Variants in LSG1 observed in about 807,000 individuals in gnomAD.
The protein encoded by LSG1 is large 60S subunit nuclear export GTPase 1, also known as large subunit GTPase 1 homolog.
Under a neutral mutation model 82.6 loss-of-function variants are expected in LSG1, and 55 were observed. The observed-to-expected ratio is 0.67, with a 90% CI of 0.54 to 0.83. The LOEUF (loss-of-function observed/expected upper bound fraction) is 0.83. Among genes scored for constraint, LSG1 ranks in the 40% least tolerant of loss-of-function variants. LSG1 has a pLI of 0.00. For synonymous variants in LSG1, 272 were observed against 282.5 expected, an observed-to-expected ratio of 0.96 and a Z score of 0.37; for missense variants, 809 against 807.9, an observed-to-expected ratio of 1.00 and a Z score of -0.02.
intron 1 of LSG1, 62 bp downstream of exon 1, chr3:194,672,002 C>A (rs1006318560): frequency 5.3e-6 from 8 of 1,500,364 alleles, no homozygotes; most frequent in African/African-American, 4.1e-5. Flanking sequence ...ACTTTTGACC[C>A]CGAATTTTGC....
At position 194,660,065 on chromosome 3, in the gene LSG1, T is replaced by A. The variant is rs900871690; in HGVS notation, c.582+8A>T. 1.2e-6 allele frequency: 2 copies of A among 1,613,022 alleles called. No homozygotes were observed. Among genetic ancestry groups the A allele is most frequent in the Non-Finnish European group, 1.7e-6 (2 of 1,179,038 alleles). Reference sequence around the variant, plus strand: ...ACTGATGTTTGAATTTTGTCAAACTTGACTTACCAAATCCTCACATCTAAA... The same window carrying A: ...ACTGATGTTTGAATTTTGTCAAACTAGACTTACCAAATCCTCACATCTAAA... On this transcript the variant is annotated splice_region_variant and intron_variant, in intron 6 of 13. Transcript: ENST00000265245.
In LSG1 at chr3:194,652,949, C is replaced by T; in HGVS notation, c.953G>A (p.Trp318Ter). Residue 318 changes from tryptophan to a stop codon, truncating the protein, a stop_gained, in exon 8 of 14, where the codon TGG (tryptophan) becomes TAG (stop). Coordinates refer to ENST00000265245, the MANE Select transcript of LSG1 (RefSeq NM_018385.3). LOFTEE classifies it high-confidence loss of function. ...ACCGTCTTCTTCTGAGCACGTCTGC[C>T]AGTCGTCTTCCTCCTCCTCTGGACA... The part of the protein sequence containing the change: ...EDCPEEEEDD[W>*]QTCSEEDGPK... 6.2e-7 allele frequency: 1 copy of T among 1,614,164 alleles called. No individual in the cohort carries two copies. The highest frequency in any genetic ancestry group is 8.5e-7 in the Non-Finnish European group (1 of 1,180,030).
chr3:194,651,042 G>A lies in LSG1; in HGVS notation c.1276-18C>T, dbSNP rs371397414. Reference sequence around the variant, plus strand: ...TAGAGAGTCTGGAAGACAAGCAAGAGGTTTGAGCTGGGTATACAACAGATA... The same window carrying A: ...TAGAGAGTCTGGAAGACAAGCAAGAAGTTTGAGCTGGGTATACAACAGATA... On this transcript the variant is annotated intron_variant, in intron 9 of 13. Coordinates refer to ENST00000265245, the MANE Select transcript of LSG1 (RefSeq NM_018385.3). The A allele has an allele frequency of 1.2e-6, 2 of 1,613,936 alleles. No homozygotes were observed. Among genetic ancestry groups the A allele is most frequent in the Non-Finnish European group, 1.7e-6 (2 of 1,179,896 alleles).
intron 7 of LSG1, among the ~76,000 whole-genome samples, chr3:194,654,650 A>G (rs929679630): frequency 2.0e-5 from 3 of 152,210 alleles, no homozygotes; most frequent in African/African-American, 7.2e-5. Flanking sequence ...ATTTTCAAAT[A>G]TGAAAGTAGC....
chr3:194,657,095 A>G (rs946199423), intron 7 of LSG1, among the ~76,000 whole-genome samples: 8 of 152,054 alleles, frequency 5.3e-5, no homozygotes, highest in African/African-American at 1.5e-4. Flanking sequence ...ACATGTATAT[A>G]TACGTAACAA....
chr3:194,657,360 A>G (rs1425940658), intron 7 of LSG1, among the ~76,000 whole-genome samples: 1 of 152,072 alleles, frequency 6.6e-6, no homozygotes, highest in Non-Finnish European at 1.5e-5. Flanking sequence ...TTGGTACTAA[A>G]CCATTAACAT....
At position 194,644,735 on chromosome 3, in the gene LSG1, CA is replaced by C. The variant is rs768381725; in HGVS notation, c.1634del (p.Leu545ArgfsTer12). The C allele has an allele frequency of 2.1e-5, 33 of 1,604,542 alleles. No homozygotes were observed. The highest frequency in any genetic ancestry group is 2.8e-5 in the Non-Finnish European group (33 of 1,174,770). On this transcript the variant is annotated frameshift_variant, in exon 13 of 14. Transcript: ENST00000265245. LOFTEE classifies it high-confidence loss of function. ...ILKDYVSGKL[L>X]YCHPPPGRDP... ...CTCTTCCAGGAGGAGGATGGCAGTA[CA>C]GCAGCTTACCCTACAAAGACAACAT...
chr3:194,664,213 A>C (rs555637139), intron 5 of LSG1, among the ~76,000 whole-genome samples: 2 of 152,158 alleles, frequency 1.3e-5, no homozygotes, highest in Non-Finnish European at 2.9e-5. Context: ...TGGACCTCCT[A>C]AAGTGCTGGG....
At position 194,645,561 on chromosome 3, in the gene LSG1, CACACACACAG is replaced by C. The variant is rs1256226544; in HGVS notation, c.1623+593_1623+602del. Among the ~76,000 whole-genome samples, 51 of 61,474 alleles carry C rather than the reference CACACACACAG, an allele frequency of 8.3e-4. 9 individuals are homozygous for C. Among genetic ancestry groups the C allele is most frequent in the Middle Eastern group, 9.4e-3 (1 of 106 alleles). 40.3% of individuals were successfully genotyped at this position (61,474 alleles called of 152,430 possible). On this transcript the variant is annotated intron_variant, in intron 12 of 13. Coordinates refer to ENST00000265245, the MANE Select transcript of LSG1 (RefSeq NM_018385.3). ...ACACACACACACACACACACACACA[CACACACACAG>C]ACAGACACACACACACACACACACA...
rs112320696 is a variant in LSG1, at chr3:194,648,881, T to C, written c.1420-77A>G. ...CATACAAATCGTGCCTCAAAGAACA[T>C]GGCACTTCATTCCGCGTGTGACAAA... On this transcript the variant is annotated intron_variant, in intron 10 of 13. Coordinates refer to ENST00000265245, the MANE Select transcript of LSG1 (RefSeq NM_018385.3). 3.0e-4 allele frequency: 439 copies of C among 1,461,922 alleles called. No homozygotes were observed. The African/African-American group carries it at 5.4e-3, about 18-fold the overall frequency. The allele number at this position is 1,461,922 out of a possible 1,614,324, so 90.6% of individuals were successfully genotyped here.
At chr3:194,658,672 T>C (rs377023795) in intron 7 of LSG1, among the ~76,000 whole-genome samples, 91 of 152,272 alleles carry the variant, frequency 6.0e-4, no homozygotes, top group Non-Finnish European at 1.1e-3. Flanking sequence ...TACAGGGTCA[T>C]TGTGGAACTT....
rs1213026961 is a variant in LSG1 at position 194,666,533 on chromosome 3, G to C, written c.266C>G (p.Thr89Ser). Residue 89 changes from threonine to serine, a missense_variant, in exon 3 of 14, where the codon ACT (threonine) becomes AGT (serine). Physicochemically the swap from Thr to Ser is moderately conservative, Grantham distance 58 (BLOSUM62 1). Coordinates refer to ENST00000265245, the MANE Select transcript of LSG1 (RefSeq NM_018385.3). ...NIKFVPAEAR[T>S]GLLSFEESQR... ...GCTCTCCTCGAAAGACAGTAGTCCAGTTCTAGCCTCAGCAGGCACAAACTT... is the reference window on the plus strand; with the variant it reads ...GCTCTCCTCGAAAGACAGTAGTCCACTTCTAGCCTCAGCAGGCACAAACTT... 6.2e-7 allele frequency: 1 copy of C among 1,613,198 alleles called. No individual in the cohort carries two copies. Among genetic ancestry groups the C allele is most frequent in the Admixed American group, 1.7e-5 (1 of 59,788 alleles).
chr3:194,658,906 G>A (rs1173435354), intron 7 of LSG1, 51 bp downstream of exon 7: 1 of 1,455,160 alleles, frequency 6.9e-7, no homozygotes, highest in East Asian at 2.5e-5. Flanking sequence ...ACATTAACAA[G>A]AAATCAAAAT....
At chr3:194,649,699 A>C (rs1358583128) in intron 10 of LSG1, among the ~76,000 whole-genome samples, 1 of 151,946 alleles carries the variant, frequency 6.6e-6, no homozygotes, top group Non-Finnish European at 1.5e-5. Context: ...CAAAAACAAA[A>C]AAAAAAGCTA....
intron 12 of LSG1, chr3:194,645,495 T>TACACACACACAC (rs56936610): frequency 1.6e-5 from 1 of 62,032 alleles, no homozygotes; most frequent in East Asian, 5.5e-4. Flanking sequence ...AGCTTAGTGC[T>TACACACACACAC]ACACACACAC....
In LSG1 at chr3:194,644,571, AC is replaced by A. The variant is rs1166061679; in HGVS notation, c.1797+1del. On this transcript the variant is annotated splice_donor_variant, in intron 13 of 13. Coordinates refer to ENST00000265245, the MANE Select transcript of LSG1 (RefSeq NM_018385.3). LOFTEE classifies it high-confidence loss of function. ...AAGTTTAAGAAAAGCTTTAAAACTT[AC>A]TTGATGGAAAAAAGTTTTGTCAACG... The A allele has an allele frequency of 1.2e-6, 2 of 1,608,208 alleles. No homozygotes were observed. The highest frequency in any genetic ancestry group is 1.7e-6 in the Non-Finnish European group (2 of 1,177,454).
intron 2 of LSG1, among the ~76,000 whole-genome samples, chr3:194,669,535 C>G (rs1306193304): frequency 6.6e-6 from 1 of 152,218 alleles, no homozygotes; most frequent in African/African-American, 2.4e-5. Context: ...AAACTTCTAG[C>G]CATTTTCTGA....
intron 11 of LSG1, among the ~76,000 whole-genome samples, chr3:194,648,274 A>T (rs1236181929): frequency 6.6e-6 from 1 of 151,950 alleles, no homozygotes; most frequent in African/African-American, 2.4e-5. Flanking sequence ...TTGTGCCCCT[A>T]TCCTAACCAA....
chr3:194,670,639 A>G (rs937345166), intron 1 of LSG1, among the ~76,000 whole-genome samples: 2 of 152,212 alleles, frequency 1.3e-5, no homozygotes, highest in African/African-American at 4.8e-5. Flanking sequence ...ACCCTATTAC[A>G]TGCAACATTC....
Sources: gnomAD v4.1 joint callset for allele counts (sites outside exome capture counted in the v4.1 genomes callset) on GRCh38, gnomAD v4.1.1 for gene constraint, MANE v1.5 for transcripts, NCBI Gene and HGNC (gene_info 2026-07-23, HGNC 2026-07-21) for gene names.